Variants in LRP1B observed in about 807,000 individuals in gnomAD.
The protein encoded by LRP1B is LDL receptor related protein 1B.
Under a neutral mutation model 556.6 loss-of-function variants are expected in LRP1B, and 217 were observed. The ratio of observed to expected loss-of-function variants is 0.39; its 90% CI spans 0.35 to 0.44. The LOEUF is 0.44. Among genes scored for constraint, LRP1B ranks in the 20% least tolerant of loss-of-function variants. The pLI, the probability that LRP1B is intolerant of heterozygous loss-of-function variation, is 1.00. For missense variants in LRP1B, 5,053 were observed against 5,620.8 expected, an observed-to-expected ratio of 0.90 and a Z score of 3.23; for synonymous variants, 2,047 against 1,865.8, an observed-to-expected ratio of 1.10 and a Z score of -2.50.
chr2:140,802,002 T>C (rs1690530711), intron 32 of LRP1B, among the ~76,000 whole-genome samples: 1 of 152,048 alleles, frequency 6.6e-6, no homozygotes, highest in Non-Finnish European at 1.5e-5. Context: ...TACAAATACA[T>C]TTGAGGATCA....
intron 41 of LRP1B, among the ~76,000 whole-genome samples, chr2:140,682,329 C>T (rs1685887387): frequency 1.3e-5 from 2 of 152,162 alleles, no homozygotes; most frequent in Non-Finnish European, 2.9e-5. Flanking sequence ...ATTTTCTCTC[C>T]TACTTTGTAC....
intron 84 of LRP1B, among the ~76,000 whole-genome samples, chr2:140,294,969 T>C (rs1683541067): frequency 6.6e-6 from 1 of 152,084 alleles, no homozygotes; most frequent in African/African-American, 2.4e-5. Flanking sequence ...CTCCACCTCC[T>C]GGGTTCACGC....
rs528361321 is a variant in LRP1B at position 141,451,814 on chromosome 2, T to C, written c.343+28582A>G. On this transcript the variant is annotated intron_variant, in intron 3 of 90. Coordinates refer to ENST00000389484, the MANE Select transcript of LRP1B (RefSeq NM_018557.3). ...TCAGCTTAAACTATTTTGCCAATACTAGCTTTGAAACTACACATAAATAAG... is the reference window on the plus strand; with the variant it reads ...TCAGCTTAAACTATTTTGCCAATACCAGCTTTGAAACTACACATAAATAAG... Among the ~76,000 whole-genome samples the C allele has an allele frequency of 9.2e-5, 14 of 152,362 alleles. No individual in the cohort carries two copies. The South Asian group carries it at 2.1e-3, about 23-fold the overall frequency.
chr2:141,912,321 C>T (rs549274024), intron 1 of LRP1B, among the ~76,000 whole-genome samples: 1 of 152,074 alleles, frequency 6.6e-6, no homozygotes, highest in African/African-American at 2.4e-5. Context: ...AAAGTAGATA[C>T]TAATATCTAT....
chr2:140,417,594 C>T (rs1251674029), intron 66 of LRP1B, among the ~76,000 whole-genome samples: 1 of 152,104 alleles, frequency 6.6e-6, no homozygotes, highest in African/African-American at 2.4e-5. Context: ...CAGAACTATT[C>T]AAGTCTTTGA....
At chr2:141,297,516 T>C (rs1036552572) in intron 3 of LRP1B, among the ~76,000 whole-genome samples, 8 of 152,154 alleles carry the variant, frequency 5.3e-5, no homozygotes, top group Non-Finnish European at 7.3e-5. Context: ...AATCTGAACA[T>C]AGTCTATAGT....
At chr2:140,497,271 A>C (rs1402096509) in intron 55 of LRP1B, among the ~76,000 whole-genome samples, 1 of 151,908 alleles carries the variant, frequency 6.6e-6, no homozygotes, top group Non-Finnish European at 1.5e-5. Flanking sequence ...CCCACTTAGC[A>C]ATCCAGTGGA....
At chr2:141,138,152 A>C (rs779440405) in intron 7 of LRP1B, among the ~76,000 whole-genome samples, 5 of 151,970 alleles carry the variant, frequency 3.3e-5, no homozygotes, top group Non-Finnish European at 7.4e-5. Flanking sequence ...ATATCAATGT[A>C]ATTAATCATA....
At chr2:141,122,885 T>C (rs1701098387) in intron 7 of LRP1B, among the ~76,000 whole-genome samples, 1 of 151,932 alleles carries the variant, frequency 6.6e-6, no homozygotes, top group African/African-American at 2.4e-5. Flanking sequence ...ATTAAGAAAA[T>C]GTGGCACATA....
At chr2:140,524,870 A>G (rs1363570948) in intron 49 of LRP1B, among the ~76,000 whole-genome samples, 1 of 151,866 alleles carries the variant, frequency 6.6e-6, no homozygotes, top group African/African-American at 2.4e-5. Flanking sequence ...GACAGGATCA[A>G]TACAAGCCCA....
At chr2:141,461,999 T>C (rs932591096) in intron 3 of LRP1B, among the ~76,000 whole-genome samples, 4 of 152,334 alleles carry the variant, frequency 2.6e-5, no homozygotes, top group Middle Eastern at 3.4e-3. Context: ...TCTTATACCA[T>C]TTTCCTGCCT....
chr2:140,974,846 G>A (rs1696544112), intron 18 of LRP1B, among the ~76,000 whole-genome samples: 1 of 152,192 alleles, frequency 6.6e-6, no homozygotes, highest in African/African-American at 2.4e-5. Flanking sequence ...GGACCAACCT[G>A]TGGAGAGATC....
intron 2 of LRP1B, among the ~76,000 whole-genome samples, chr2:141,482,020 C>T (rs181296159): frequency 6.6e-6 from 1 of 152,194 alleles, no homozygotes; most frequent in Admixed American, 6.6e-5. Context: ...GTTTTACCTT[C>T]CCTACTTAGT....
intron 1 of LRP1B, among the ~76,000 whole-genome samples, chr2:141,901,093 A>G (rs1235155466): frequency 6.6e-6 from 1 of 152,034 alleles, no homozygotes; most frequent in Non-Finnish European, 1.5e-5. Flanking sequence ...GGCTATATTC[A>G]TTTATCCAGT....
At chr2:142,064,085 T>C (rs1705013633) in intron 1 of LRP1B, among the ~76,000 whole-genome samples, 1 of 151,658 alleles carries the variant, frequency 6.6e-6, no homozygotes, top group South Asian at 2.1e-4. Context: ...TTTCTATGTC[T>C]AGTAAATCCA....
intron 2 of LRP1B, among the ~76,000 whole-genome samples, chr2:141,518,687 G>C (rs1290999403): frequency 1.3e-5 from 2 of 152,104 alleles, no homozygotes; most frequent in East Asian, 3.9e-4. Context: ...GGTGGCTCAC[G>C]CCTGTAATCC....
chr2:140,374,795 T>C (rs2105175566), intron 68 of LRP1B, among the ~76,000 whole-genome samples: 1 of 152,264 alleles, frequency 6.6e-6, no homozygotes, highest in East Asian at 1.9e-4. Context: ...TTATAATAAC[T>C]ATCCAGTAAA....
chr2:140,305,479 TTG>T (rs1684027154), intron 83 of LRP1B, among the ~76,000 whole-genome samples: 1 of 152,214 alleles, frequency 6.6e-6, no homozygotes, highest in African/African-American at 2.4e-5. Context: ...ATAGGAATGC[TTG>T]TGATTTTTGC....
chr2:140,525,611 A>G (rs1454669724), intron 49 of LRP1B, among the ~76,000 whole-genome samples: 1 of 151,998 alleles, frequency 6.6e-6, no homozygotes, highest in Non-Finnish European at 1.5e-5. Flanking sequence ...TAATAACTAA[A>G]CATAAAAAAT....
Sources: allele counts gnomAD v4.1 joint callset (sites outside exome capture counted in the v4.1 genomes callset), GRCh38; gene constraint gnomAD v4.1.1; transcripts MANE v1.5; gene names NCBI Gene and HGNC (gene_info 2026-07-23, HGNC 2026-07-21).